The following CTNNA2 variants were observed in gnomAD, a reference collection of about 807,000 sequenced individuals.
CTNNA2 encodes the protein catenin alpha 2.
In CTNNA2, 42 loss-of-function variants were observed where a neutral mutation model predicts 101.0. The ratio of observed to expected loss-of-function variants is 0.42; its 90% CI spans 0.32 to 0.54. The LOEUF is 0.54. CTNNA2 is among the 20% of genes least tolerant of loss of function. The probability of loss-of-function intolerance (pLI) is 0.14; values close to 1 mark genes in which losing one functional copy is unlikely to be tolerated. For missense variants in CTNNA2, 871 were observed against 1,223.1 expected (o/e 0.71, Z 4.29); for synonymous variants, 450 against 456.4 (o/e 0.99, Z 0.18).
chr2:80,190,175 T>G (rs1450321759), intron 7 of CTNNA2, among the ~76,000 whole-genome samples: 1 of 151,936 alleles, frequency 6.6e-6, no homozygotes, highest in African/African-American at 2.4e-5. Flanking sequence ...GGGAAGGCTT[T>G]GGTTCAAAAG....
intron 7 of CTNNA2, among the ~76,000 whole-genome samples, chr2:80,222,296 A>T (rs1001925670): frequency 6.6e-6 from 1 of 151,820 alleles, no homozygotes; most frequent in Non-Finnish European, 1.5e-5. Context: ...ACAATAAATT[A>T]TTCTCATACT....
At chr2:79,304,832 C>T (rs1384974622) in intron 2 of CTNNA2, among the ~76,000 whole-genome samples, 1 of 152,066 alleles carries the variant, frequency 6.6e-6, no homozygotes, top group Non-Finnish European at 1.5e-5. Context: ...CACTTGGGCT[C>T]ATAAAAGATC....
chr2:79,839,231 T>G (rs1179175421), intron 3 of CTNNA2, among the ~76,000 whole-genome samples: 1 of 152,070 alleles, frequency 6.6e-6, no homozygotes, highest in Non-Finnish European at 1.5e-5. Flanking sequence ...TTCATTATGT[T>G]GAATATATTG....
At chr2:80,381,142 C>A (rs980770280) in intron 7 of CTNNA2, among the ~76,000 whole-genome samples, 1 of 151,790 alleles carries the variant, frequency 6.6e-6, no homozygotes, top group African/African-American at 2.4e-5. Flanking sequence ...CCTTCGTGTT[C>A]AGGAGGTGGT....
At chr2:80,642,893 G>GGAGAGT (rs1169503038) in intron 18 of CTNNA2, among the ~76,000 whole-genome samples, 2 of 152,198 alleles carry the variant, frequency 1.3e-5, no homozygotes, top group African/African-American at 4.8e-5. Context: ...CACAAAATGA[G>GGAGAGT]GAGAGTATAG....
At chr2:80,598,969 G>A (rs1041819823) in intron 15 of CTNNA2, among the ~76,000 whole-genome samples, 10 of 152,094 alleles carry the variant, frequency 6.6e-5, no homozygotes, top group Non-Finnish European at 1.2e-4. Flanking sequence ...ACTTACACAA[G>A]TGCATAAAAA....
At chr2:80,032,887 T>A (rs1695383301) in intron 7 of CTNNA2, among the ~76,000 whole-genome samples, 1 of 152,030 alleles carries the variant, frequency 6.6e-6, no homozygotes. Context: ...GCGCAGTGGC[T>A]CATGCCTGTA....
chr2:80,150,046 C>T (rs1006016332), intron 7 of CTNNA2, among the ~76,000 whole-genome samples: 5 of 152,120 alleles, frequency 3.3e-5, no homozygotes, highest in Admixed American at 6.5e-5. Flanking sequence ...TCCAGAGGCC[C>T]TCTGCACATC....
At chr2:79,214,295 G>T (rs1044366300) in intron 2 of CTNNA2, among the ~76,000 whole-genome samples, 2 of 152,108 alleles carry the variant, frequency 1.3e-5, no homozygotes, top group African/African-American at 2.4e-5. Flanking sequence ...AGGCTGGGAT[G>T]AAGGGTGCAA....
intron 9 of CTNNA2, among the ~76,000 whole-genome samples, chr2:80,505,232 A>G (rs1332005069): frequency 6.6e-6 from 1 of 152,208 alleles, no homozygotes; most frequent in Non-Finnish European, 1.5e-5. Flanking sequence ...AAGCAGGTAG[A>G]ATTTGGATTG....
chr2:79,614,367 T>C (rs908080941), intron 1 of CTNNA2, among the ~76,000 whole-genome samples: 1 of 152,144 alleles, frequency 6.6e-6, no homozygotes, highest in Non-Finnish European at 1.5e-5. Flanking sequence ...TTCTGACATA[T>C]TATCAAAAGT....
intron 3 of CTNNA2, among the ~76,000 whole-genome samples, chr2:79,782,040 T>G (rs963073868): frequency 6.6e-6 from 1 of 152,230 alleles, no homozygotes; most frequent in South Asian, 2.1e-4. Context: ...ATTTCACATT[T>G]GTACATGGAT....
At chr2:80,073,359 A>G (rs1350508316) in intron 7 of CTNNA2, among the ~76,000 whole-genome samples, 4 of 152,150 alleles carry the variant, frequency 2.6e-5, no homozygotes, top group African/African-American at 7.2e-5. Flanking sequence ...CAGAAAGGAA[A>G]AAGGGCAGAG....
At chr2:79,877,170 A>G (rs1434109) in intron 6 of CTNNA2, among the ~76,000 whole-genome samples, 37,701 of 151,962 alleles carry the variant, frequency 0.25, 5,060 homozygotes, top group Non-Finnish European at 0.31. Context: ...TGAGAATTAC[A>G]TAAAGCGTTA....
intron 1 of CTNNA2, among the ~76,000 whole-genome samples, chr2:79,647,797 G>C (rs1573565037): frequency 6.6e-6 from 1 of 152,236 alleles, no homozygotes; most frequent in Non-Finnish European, 1.5e-5. Context: ...TCTTGATCAT[G>C]TGTTGATGGT....
intron 3 of CTNNA2, among the ~76,000 whole-genome samples, chr2:79,830,397 A>T (rs6717401): frequency 0.34 from 51,552 of 151,890 alleles, 9,214 homozygotes; most frequent in South Asian, 0.42. Flanking sequence ...GCAGTGGGAG[A>T]CGGTAGAATG....
intron 15 of CTNNA2, among the ~76,000 whole-genome samples, chr2:80,591,455 C>CTTTTTTTTTTTTTTTT (rs1553401282): frequency 1.1e-3 from 61 of 57,474 alleles, no homozygotes; most frequent in Non-Finnish European, 1.7e-3. Flanking sequence ...TCTGCACAGC[C>CTTTTTTTTTTTTTTTT]TGTTTTTTTT....
intron 7 of CTNNA2, among the ~76,000 whole-genome samples, chr2:79,989,348 C>T (rs1488571210): frequency 6.6e-6 from 1 of 152,154 alleles, no homozygotes; most frequent in African/African-American, 2.4e-5. Flanking sequence ...TTAGGCTGGG[C>T]GCAGTGGCTC....
At chr2:80,615,337 T>G (rs1208571374) in intron 17 of CTNNA2, among the ~76,000 whole-genome samples, 1 of 151,616 alleles carries the variant, frequency 6.6e-6, no homozygotes, top group Non-Finnish European at 1.5e-5. Flanking sequence ...GAGCTGCATT[T>G]ATTTGTTGTT....
Sources: allele counts gnomAD v4.1 joint callset (sites outside exome capture counted in the v4.1 genomes callset), GRCh38; gene constraint gnomAD v4.1.1; transcripts MANE v1.5; gene names NCBI Gene and HGNC (gene_info 2026-07-23, HGNC 2026-07-21).